NUF2: variants seen among roughly 807,000 people sequenced by gnomAD.
NUF2 encodes the protein kinetochore protein Nuf2.
NUF2 carries 34 observed loss-of-function variants against 61.8 expected under a neutral mutation model. The observed-to-expected ratio is 0.55, with a 90% confidence interval of 0.42 to 0.73. The LOEUF (loss-of-function observed/expected upper bound fraction) is 0.73. Ranked by LOEUF, NUF2 falls within the 30% of genes least tolerant of loss-of-function variation. The probability of loss-of-function intolerance (pLI) is 0.00; values close to 1 mark genes in which losing one functional copy is unlikely to be tolerated. For synonymous variants in NUF2, 172 were observed against 181.6 expected (o/e 0.95, Z 0.42); for missense variants, 445 against 539.1 (o/e 0.83, Z 1.73).
chr1:163,341,667 C>T (rs1397449861), intron 9 of NUF2, among the ~76,000 whole-genome samples: 15 of 151,622 alleles, frequency 9.9e-5, no homozygotes, highest in Admixed American at 9.8e-4. Flanking sequence ...ACTCTTTTGC[C>T]CAGGTTGGAG....
At chr1:163,323,920 A>G (rs1650326821) in intron 1 of NUF2, among the ~76,000 whole-genome samples, 1 of 152,152 alleles carries the variant, frequency 6.6e-6, no homozygotes, top group Admixed American at 6.5e-5. Flanking sequence ...AGCCGCCTTG[A>G]TGCAAGACGG....
At chr1:163,337,894 T>G (rs1156939597) in intron 6 of NUF2, 126 bp from the exon 7 acceptor site, 1 of 670,460 alleles carries the variant, frequency 1.5e-6, no homozygotes, top group Non-Finnish European at 2.7e-6. Context: ...TCATTTGTCA[T>G]GAAGGCCTAA....
At chr1:163,328,441 A>C in intron 4 of NUF2, 137 bp downstream of exon 4, 1 of 541,634 alleles carries the variant, frequency 1.8e-6, no homozygotes, top group Non-Finnish European at 3.2e-6. Context: ...CATTCATTCA[A>C]ACTTTCAAAA....
At chr1:163,346,795 A>C (rs1571396637) in intron 11 of NUF2, among the ~76,000 whole-genome samples, 1 of 152,152 alleles carries the variant, frequency 6.6e-6, no homozygotes, top group Non-Finnish European at 1.5e-5. Context: ...GCAGTGAGCT[A>C]TGATCATGCC....
At position 163,328,824 on chromosome 1, in the gene NUF2, CTT is replaced by C. The variant is rs1370547681; in HGVS notation, c.276-18_276-17del. On this transcript the variant is annotated intron_variant, in intron 4 of 13. Coordinates refer to ENST00000271452, the MANE Select transcript of NUF2 (RefSeq NM_145697.3). The stretch of plus-strand genomic sequence containing the variant: ...AATGTGCAAAATACTTTTCAATAGT[CTT>C]TTTGTACTTCATCTTCAAGGGACTC... 6.6e-7 allele frequency: 1 copy of C among 1,508,516 alleles called. No individual in the cohort carries two copies. Among genetic ancestry groups the C allele is most frequent in the Non-Finnish European group, 9.2e-7 (1 of 1,084,990 alleles). 93.4% of individuals were successfully genotyped at this position (1,508,516 alleles called of 1,614,324 possible).
At chr1:163,329,404 T>C (rs1650528713) in intron 5 of NUF2, among the ~76,000 whole-genome samples, 1 of 152,210 alleles carries the variant, frequency 6.6e-6, no homozygotes, top group Non-Finnish European at 1.5e-5. Context: ...TAGGCTATTC[T>C]TGTATTGCTA....
At chr1:163,339,559 A>C in intron 8 of NUF2, 82 bp downstream of exon 8, 1 of 770,060 alleles carries the variant, frequency 1.3e-6, no homozygotes, top group South Asian at 1.6e-5. Flanking sequence ...AGGTAACAGC[A>C]CATTGCTTTC....
chr1:163,340,214 G>T, intron 8 of NUF2, 150 bp from the exon 9 acceptor site: 1 of 591,726 alleles, frequency 1.7e-6, no homozygotes, highest in Non-Finnish European at 2.9e-6. Context: ...TATTTCTTTT[G>T]GCTTAGGAGC....
At chr1:163,326,745 G>T (rs986666625) in intron 2 of NUF2, among the ~76,000 whole-genome samples, 1 of 152,102 alleles carries the variant, frequency 6.6e-6, no homozygotes, top group African/African-American at 2.4e-5. Flanking sequence ...GTAAAACCTG[G>T]TGTAATGGTG....
At chr1:163,347,486 A>T (rs1651171897) in intron 11 of NUF2, among the ~76,000 whole-genome samples, 1 of 151,330 alleles carries the variant, frequency 6.6e-6, no homozygotes. Context: ...TAACCCCTCA[A>T]CTCTAGTCTC....
At chr1:163,332,721 C>G (rs999824891) in intron 5 of NUF2, among the ~76,000 whole-genome samples, 1 of 152,126 alleles carries the variant, frequency 6.6e-6, no homozygotes, top group Non-Finnish European at 1.5e-5. Flanking sequence ...AGTCCAATCT[C>G]TCTCTACTTT....
At chr1:163,333,719 T>A (rs1269837676) in intron 5 of NUF2, among the ~76,000 whole-genome samples, 1 of 152,164 alleles carries the variant, frequency 6.6e-6, no homozygotes, top group Non-Finnish European at 1.5e-5. Context: ...CTACTGGTCT[T>A]TGTGCTATTG....
intron 9 of NUF2, among the ~76,000 whole-genome samples, chr1:163,343,348 C>T (rs192575230): frequency 6.6e-6 from 1 of 152,068 alleles, no homozygotes; most frequent in Non-Finnish European, 1.5e-5. Flanking sequence ...TTTCAGGGAT[C>T]AGTACAAATT....
intron 1 of NUF2, chr1:163,323,162 C>G (rs1312033542): frequency 6.6e-6 from 1 of 152,170 alleles, no homozygotes; most frequent in African/African-American, 2.4e-5. Context: ...AAGGATTAAT[C>G]TGATAGCAGA....
chr1:163,346,884 T>G (rs1053870820), intron 11 of NUF2, among the ~76,000 whole-genome samples: 9 of 152,018 alleles, frequency 5.9e-5, no homozygotes, highest in African/African-American at 2.2e-4. Context: ...CAGGGTGGAA[T>G]GGAGTAGGAT....
chr1:163,354,823 G>A (rs1004245263), intron 13 of NUF2, among the ~76,000 whole-genome samples: 1 of 151,890 alleles, frequency 6.6e-6, no homozygotes, highest in Non-Finnish European at 1.5e-5. Context: ...AAAAATTGTT[G>A]TTTTATTTTT....
intron 12 of NUF2, among the ~76,000 whole-genome samples, chr1:163,348,202 AC>A (rs1375467014): frequency 6.6e-6 from 1 of 152,132 alleles, no homozygotes; most frequent in Non-Finnish European, 1.5e-5. Flanking sequence ...TTCTGATGCT[AC>A]TGATTATTTC....
At chr1:163,352,920 G>A (rs1651371778) in intron 13 of NUF2, among the ~76,000 whole-genome samples, 1 of 151,804 alleles carries the variant, frequency 6.6e-6, no homozygotes. Flanking sequence ...TTAAGGTCCA[G>A]TAGAAACTAT....
At chr1:163,348,587 A>G (rs1397179384) in intron 12 of NUF2, among the ~76,000 whole-genome samples, 1 of 152,288 alleles carries the variant, frequency 6.6e-6, no homozygotes, top group East Asian at 1.9e-4. Flanking sequence ...GCCTTGTAGA[A>G]AAGTTAAACT....
Sources: allele counts gnomAD v4.1 joint callset (sites outside exome capture counted in the v4.1 genomes callset), GRCh38; gene constraint gnomAD v4.1.1; transcripts MANE v1.5; gene names NCBI Gene and HGNC (gene_info 2026-07-23, HGNC 2026-07-21).